Variants in ACVR1 observed in about 807,000 individuals in gnomAD.
ACVR1 encodes activin receptor type-1.
ACVR1 carries 38 observed loss-of-function variants against 57.1 expected under a neutral mutation model. The observed-to-expected ratio is 0.67, with a 90% CI of 0.51 to 0.87. The LOEUF (loss-of-function observed/expected upper bound fraction) is 0.87, where lower values mean the gene tolerates loss of function less well. Ranked by LOEUF, ACVR1 falls within the 40% of genes least tolerant of loss-of-function variation. The pLI is 0.00. For synonymous variants in ACVR1, 212 were observed against 228.1 expected (o/e 0.93, Z 0.63); for missense variants, 463 against 638.2 (o/e 0.73, Z 2.96).
At chr2:157,855,531 T>C (rs1046545163) in intron 1 of ACVR1, among the ~76,000 whole-genome samples, 5 of 151,904 alleles carry the variant, frequency 3.3e-5, no homozygotes, top group Non-Finnish European at 7.4e-5. Context: ...AGGAAAACTC[T>C]GTCCCATTTG....
chr2:157,751,369 G>A (rs1009302433), intron 9 of ACVR1, among the ~76,000 whole-genome samples: 17 of 152,336 alleles, frequency 1.1e-4, no homozygotes, highest in South Asian at 6.2e-4. Flanking sequence ...AAGGGCTGCC[G>A]GAGGAACTGG....
At chr2:157,739,870 A>G (rs1684685545) in intron 9 of ACVR1, among the ~76,000 whole-genome samples, 1 of 152,224 alleles carries the variant, frequency 6.6e-6, no homozygotes, top group East Asian at 1.9e-4. Flanking sequence ...TTTGAGATGG[A>G]AACAAGTCTA....
chr2:157,778,892 C>T (rs1686401130), intron 4 of ACVR1, among the ~76,000 whole-genome samples: 1 of 152,176 alleles, frequency 6.6e-6, no homozygotes, highest in South Asian at 2.1e-4. Flanking sequence ...TGGGTTCAGA[C>T]CTCTCCATGA....
rs1006682010 is a variant in ACVR1, at chr2:157,780,538, T to G, written c.130A>C (p.Asn44His). ...TGCTGGCCTTCACAGTGGTCCTCATTACCGCAGGAGAGACCTTCACACACA... is the reference window on the plus strand; with the variant it reads ...TGCTGGCCTTCACAGTGGTCCTCATGACCGCAGGAGAGACCTTCACACACA... ...MCVCEGLSCGNEDHCEGQQCF... is the reference protein window; with the variant it reads ...MCVCEGLSCGHEDHCEGQQCF... The change falls in exon 4 of 11, where the codon AAT becomes CAT. Residue 44 changes from asparagine to histidine, a missense_variant. Around this residue, in one of 3 missense-constraint regions of ACVR1, gnomAD observed 203 missense variants for 235.5 expected, o/e 0.86. Coordinates refer to ENST00000434821, the MANE Select transcript of ACVR1 (RefSeq NM_001111067.4). 3 of 1,613,864 alleles carry G rather than the reference T, an allele frequency of 1.9e-6. No homozygotes were observed. The highest frequency in any genetic ancestry group is 2.5e-6 in the Non-Finnish European group (3 of 1,179,992).
Position 157,821,976 on chromosome 2 carries a change from A to G in ACVR1, c.-182-3417T>C, listed in dbSNP as rs572802454. ...CCACACAACAGCTAAGCAACAGGGG[A>G]AAAAAAAAATCAAGACAAGTTTTCT... On this transcript the variant is annotated intron_variant, in intron 1 of 10. Coordinates refer to ENST00000434821, the MANE Select transcript of ACVR1 (RefSeq NM_001111067.4). 6.6e-5 allele frequency among the ~76,000 whole-genome samples: 10 copies of G among 150,672 alleles called. No homozygotes were observed. In the East Asian group the frequency reaches 1.8e-3, roughly 26 times the overall value.
chr2:157,821,450 G>A (rs891836028), intron 1 of ACVR1, among the ~76,000 whole-genome samples: 22 of 151,992 alleles, frequency 1.4e-4, no homozygotes, highest in Non-Finnish European at 2.5e-4. Context: ...GCTTGAACCC[G>A]GAAGGTGGAG....
intron 3 of ACVR1, among the ~76,000 whole-genome samples, chr2:157,792,575 TG>T (rs1265485406): frequency 6.6e-6 from 1 of 152,232 alleles, no homozygotes; most frequent in Non-Finnish European, 1.5e-5. Flanking sequence ...TAGGAACACC[TG>T]CACAGTGAAC....
rs147961271 is a variant in ACVR1 at position 157,739,233 on chromosome 2, T to C, written c.1265-663A>G. Among the ~76,000 whole-genome samples, 18 of 152,244 alleles carry C rather than the reference T, an allele frequency of 1.2e-4. No homozygotes were observed. In the East Asian group the frequency reaches 3.5e-3, roughly 29 times the overall value. ...GATGGCTCTATTATTTACTATCATA[T>C]TGAAGGCACAAAATAAAATGTAAAG... On this transcript the variant is annotated intron_variant, in intron 9 of 10. Coordinates refer to ENST00000434821, the MANE Select transcript of ACVR1 (RefSeq NM_001111067.4).
rs537591383 is a variant in ACVR1, at chr2:157,809,747, T to C, written c.-8+8638A>G. Among the ~76,000 whole-genome samples the C allele has an allele frequency of 6.6e-5, 10 of 152,242 alleles. No homozygotes were observed. In the East Asian group the frequency reaches 1.7e-3, roughly 26 times the overall value. ...CAAGAACACAAAGGTAGAAAGCCGA[T>C]AGAGTAGAAAATTATGAATTTGATC... On this transcript the variant is annotated intron_variant, in intron 2 of 10. Coordinates refer to ENST00000434821, the MANE Select transcript of ACVR1 (RefSeq NM_001111067.4).
At chr2:157,813,179 C>A (rs555972496) in intron 2 of ACVR1, among the ~76,000 whole-genome samples, 1 of 151,300 alleles carries the variant, frequency 6.6e-6, no homozygotes, top group South Asian at 2.1e-4. Flanking sequence ...GGGAGACTTA[C>A]CCCATGAAAA....
At chr2:157,831,046 C>G (rs932709022) in intron 1 of ACVR1, among the ~76,000 whole-genome samples, 1 of 152,148 alleles carries the variant, frequency 6.6e-6, no homozygotes, top group Non-Finnish European at 1.5e-5. Flanking sequence ...ATTCTCCCAC[C>G]TTAGCCTCCC....
At chr2:157,740,341 A>G (rs921823420) in intron 9 of ACVR1, among the ~76,000 whole-genome samples, 2 of 152,194 alleles carry the variant, frequency 1.3e-5, no homozygotes, top group African/African-American at 2.4e-5. Context: ...GGAACACCTC[A>G]TCTTAGAGGC....
At chr2:157,849,409 A>T (rs377035201) in intron 1 of ACVR1, among the ~76,000 whole-genome samples, 7 of 152,360 alleles carry the variant, frequency 4.6e-5, no homozygotes, top group African/African-American at 1.7e-4. Flanking sequence ...AATAGTGTTC[A>T]TTCACTATTA....
rs200559871 is a variant in ACVR1 at position 157,799,582 on chromosome 2, T to G, written c.-7-82A>C. The G allele has an allele frequency of 1.8e-5, 20 of 1,089,308 alleles. No individual in the cohort carries two copies. The East Asian group carries it at 4.8e-4, about 26-fold the overall frequency. 67.5% of individuals were successfully genotyped at this position (1,089,308 alleles called of 1,614,324 possible). On this transcript the variant is annotated intron_variant, in intron 2 of 10. Transcript: ENST00000434821. The stretch of plus-strand genomic sequence containing the variant: ...CAAATTAAGCATACCACCTTCAAAC[T>G]GCCATTCAAGGCCCTTCTTACTAAT...
chr2:157,852,396 C>G (rs1362488677), intron 1 of ACVR1, among the ~76,000 whole-genome samples: 1 of 150,694 alleles, frequency 6.6e-6, no homozygotes, highest in African/African-American at 2.4e-5. Flanking sequence ...TATAGGGAGG[C>G]TGATGTGGGA....
chr2:157,832,353 C>T (rs1574124809), intron 1 of ACVR1, among the ~76,000 whole-genome samples: 2 of 152,178 alleles, frequency 1.3e-5, no homozygotes, highest in East Asian at 1.9e-4. Context: ...CGTGAGGTAT[C>T]AGAAGAAACT....
At chr2:157,826,633 G>A (rs1222372938) in intron 1 of ACVR1, 3 of 135,154 alleles carry the variant, frequency 2.2e-5, no homozygotes, top group African/African-American at 5.6e-5. Flanking sequence ...CAGACTGGGC[G>A]ACAGAGTAAG....
chr2:157,787,711 C>G (rs1031461248), intron 3 of ACVR1, among the ~76,000 whole-genome samples: 3 of 152,148 alleles, frequency 2.0e-5, no homozygotes, highest in Non-Finnish European at 4.4e-5. Context: ...CCCACCTCCT[C>G]GGGCTAACCA....
intron 8 of ACVR1, 58 bp downstream of exon 8, chr2:157,765,863 C>A: frequency 6.3e-7 from 1 of 1,576,702 alleles, no homozygotes; most frequent in South Asian, 1.1e-5. Context: ...ATGCAACTCA[C>A]CTAACCATTG....
Sources: allele counts gnomAD v4.1 joint callset (sites outside exome capture counted in the v4.1 genomes callset), GRCh38; gene constraint gnomAD v4.1.1; regional missense constraint gnomAD v4.1.1; transcripts MANE v1.5; gene names NCBI Gene and HGNC (gene_info 2026-07-23, HGNC 2026-07-21).